PTPRO: variants seen among roughly 807,000 people sequenced by gnomAD.
The protein encoded by PTPRO is receptor-type tyrosine-protein phosphatase O.
In PTPRO, 62 loss-of-function variants were observed where a neutral mutation model predicts 145.2. The observed-to-expected ratio is 0.43, with a 90% confidence interval of 0.35 to 0.53. The LOEUF (loss-of-function observed/expected upper bound fraction) is 0.53. Ranked by LOEUF, PTPRO falls within the 20% of genes least tolerant of loss-of-function variation. The pLI, the probability that PTPRO is intolerant of heterozygous loss-of-function variation, is 0.01. For missense variants in PTPRO, 1,345 were observed against 1,482.7 expected (o/e 0.91, Z 1.53); for synonymous variants, 565 against 514.7 (o/e 1.10, Z -1.32).
chr12:15,526,603 T>G (rs1367761111), intron 12 of PTPRO, among the ~76,000 whole-genome samples: 1 of 152,194 alleles, frequency 6.6e-6, no homozygotes, highest in East Asian at 1.9e-4. Context: ...ATTAATATTA[T>G]GTAATGCTCT....
chr12:15,526,181 C>T lies in PTPRO; in HGVS notation c.2083C>T (p.Pro695Ser). The T allele has an allele frequency of 6.2e-7, 1 of 1,613,904 alleles. No individual in the cohort carries two copies. The highest frequency in any genetic ancestry group is 1.1e-5 in the South Asian group (1 of 91,080). ...CATGACTGCAATTCTCAGCTTGCCT[C>T]CAGGCGACATCTATAACCTCTCAGT... ...NVMTAILSLP[P>S]GDIYNLSVTA... is the part of the protein sequence containing the mutation. The change falls in exon 12 of 27, where the codon CCA becomes TCA. Residue 695 changes from proline (P) to serine (S), a missense_variant. Pro to Ser is a moderately conservative substitution (Grantham distance 74). Around this residue, in one of 3 missense-constraint regions of PTPRO, gnomAD observed 1,130 missense variants for 1,214.7 expected, o/e 0.93. Transcript: ENST00000281171.
At chr12:15,392,876 C>A (rs1433653359) in intron 1 of PTPRO, among the ~76,000 whole-genome samples, 4 of 152,066 alleles carry the variant, frequency 2.6e-5, no homozygotes, top group Non-Finnish European at 5.9e-5. Flanking sequence ...ATCCACAGGA[C>A]AAATCTTATG....
chr12:15,547,034 G>T (rs1483223404), intron 13 of PTPRO, among the ~76,000 whole-genome samples: 1 of 152,130 alleles, frequency 6.6e-6, no homozygotes, highest in Non-Finnish European at 1.5e-5. Context: ...TGAACCATTT[G>T]CCAAGTATAT....
intron 1 of PTPRO, among the ~76,000 whole-genome samples, chr12:15,470,286 T>G (rs1941510256): frequency 6.6e-6 from 1 of 152,218 alleles, no homozygotes; most frequent in African/African-American, 2.4e-5. Flanking sequence ...CCTTGAGTAC[T>G]AGCTCCTCCA....
In PTPRO at chr12:15,580,791, A is replaced by T; in HGVS notation, c.3092A>T (p.Gln1031Leu). ...FWKMVLQQKS[Q>L]IIVMLTQCNE... Reference sequence around the variant, plus strand: ...AAGATGGTCCTGCAACAAAAGTCTCAGATTATTGTCATGCTCACTCAGTGT... The same window carrying T: ...AAGATGGTCCTGCAACAAAAGTCTCTGATTATTGTCATGCTCACTCAGTGT... Residue 1031 changes from glutamine to leucine, a missense_variant, in exon 22 of 27, where the codon CAG (glutamine) becomes CTG (leucine). Gln to Leu is a moderately radical substitution (Grantham distance 113). Around this residue, in one of 3 missense-constraint regions of PTPRO, gnomAD observed 208 missense variants for 242.8 expected, o/e 0.86. Transcript: ENST00000281171. The T allele has an allele frequency of 5.0e-6, 8 of 1,614,038 alleles. No homozygotes were observed. The highest frequency in any genetic ancestry group is 6.8e-6 in the Non-Finnish European group (8 of 1,179,922).
chr12:15,532,035 A>C (rs938688057), intron 12 of PTPRO, among the ~76,000 whole-genome samples: 7 of 152,172 alleles, frequency 4.6e-5, no homozygotes, highest in Admixed American at 3.3e-4. Context: ...TAGAAAATCT[A>C]AAAAACAAAA....
chr12:15,490,485 C>T (rs897421335), intron 2 of PTPRO, among the ~76,000 whole-genome samples: 7 of 152,210 alleles, frequency 4.6e-5, no homozygotes, highest in East Asian at 1.9e-4. Flanking sequence ...ACAATTTTCA[C>T]GTGCCATGAA....
chr12:15,494,391 T>C (rs888430288), intron 2 of PTPRO, among the ~76,000 whole-genome samples: 2 of 152,340 alleles, frequency 1.3e-5, no homozygotes, highest in South Asian at 2.1e-4. Flanking sequence ...TTGTCATCAC[T>C]GAAATACCTG....
intron 1 of PTPRO, among the ~76,000 whole-genome samples, chr12:15,360,862 A>ATACACATGTG (rs1210960585): frequency 1.1e-4 from 15 of 137,604 alleles, no homozygotes; most frequent in African/African-American, 4.0e-4. Context: ...GTGTGTGTAT[A>ATACACATGTG]TATGTGTGTA....
intron 1 of PTPRO, among the ~76,000 whole-genome samples, chr12:15,353,540 C>T (rs746015813): frequency 1.3e-5 from 2 of 152,032 alleles, no homozygotes; most frequent in African/African-American, 2.4e-5. Context: ...TAACGAATTC[C>T]CACTGATATT....
intron 13 of PTPRO, among the ~76,000 whole-genome samples, chr12:15,547,409 G>T (rs1358797408): frequency 6.6e-6 from 1 of 152,166 alleles, no homozygotes; most frequent in African/African-American, 2.4e-5. Context: ...GAAAGGAAAA[G>T]GACAGATTTG....
intron 1 of PTPRO, among the ~76,000 whole-genome samples, chr12:15,478,841 T>G (rs1477445914): frequency 1.3e-5 from 2 of 152,022 alleles, no homozygotes. Context: ...CCGGGTAATT[T>G]TTTGTATTTT....
intron 1 of PTPRO, among the ~76,000 whole-genome samples, chr12:15,393,016 A>G (rs1365641345): frequency 6.6e-6 from 1 of 152,112 alleles, no homozygotes; most frequent in African/African-American, 2.4e-5. Flanking sequence ...TTTGTTGTTT[A>G]TTTCTAATTG....
At chr12:15,502,111 G>T in intron 5 of PTPRO, 48 bp downstream of exon 5, 1 of 1,529,346 alleles carries the variant, frequency 6.5e-7, no homozygotes, top group South Asian at 1.1e-5. Context: ...ACAAAGGAAG[G>T]GGAATTGAAA....
At chr12:15,565,905 G>A (rs1263849169) in intron 18 of PTPRO, among the ~76,000 whole-genome samples, 3 of 152,112 alleles carry the variant, frequency 2.0e-5, no homozygotes, top group African/African-American at 7.2e-5. Flanking sequence ...TCTTGGAGGA[G>A]GAAGTATGGT....
intron 1 of PTPRO, chr12:15,439,470 C>G (rs1355993696): frequency 9.8e-6 from 2 of 204,790 alleles, no homozygotes; most frequent in Non-Finnish European, 2.0e-5. Flanking sequence ...CTAAAAGACA[C>G]AGAGCTGCAA....
At chr12:15,504,144 G>A (rs1455218115) in intron 6 of PTPRO, 75 bp downstream of exon 6, 1 of 1,457,916 alleles carries the variant, frequency 6.9e-7, no homozygotes, top group African/African-American at 1.4e-5. Flanking sequence ...ATGATGCTCA[G>A]ATGTCAATTA....
intron 1 of PTPRO, among the ~76,000 whole-genome samples, chr12:15,449,282 A>T (rs1940988065): frequency 6.6e-6 from 1 of 152,234 alleles, no homozygotes; most frequent in African/African-American, 2.4e-5. Flanking sequence ...AGACTCAGTT[A>T]TTGTTACAGG....
intron 8 of PTPRO, among the ~76,000 whole-genome samples, chr12:15,516,192 G>A (rs200862801): frequency 6.0e-5 from 9 of 150,312 alleles, no homozygotes; most frequent in East Asian, 5.9e-4. Context: ...GGGTTTCACC[G>A]TGTTAGCCAG....
Sources: allele counts gnomAD v4.1 joint callset (sites outside exome capture counted in the v4.1 genomes callset), GRCh38; gene constraint gnomAD v4.1.1; regional missense constraint gnomAD v4.1.1; transcripts MANE v1.5; gene names NCBI Gene and HGNC (gene_info 2026-07-23, HGNC 2026-07-21).